Variants in OPTN observed in about 807,000 individuals in gnomAD.
OPTN encodes the protein optineurin, also known as E3-14.7K-interacting protein.
Under a neutral mutation model 70.4 loss-of-function variants are expected in OPTN, and 54 were observed. The ratio of observed to expected loss-of-function variants is 0.77; its 90% CI spans 0.62 to 0.96. The LOEUF (loss-of-function observed/expected upper bound fraction) is 0.96. Among genes scored for constraint, OPTN ranks in the 40% least tolerant of loss-of-function variants. The pLI, the probability that OPTN is intolerant of heterozygous loss-of-function variation, is 0.00. For synonymous variants in OPTN, 256 were observed against 248.5 expected, an observed-to-expected ratio of 1.03 and a Z score of -0.28; for missense variants, 624 against 673.2, an observed-to-expected ratio of 0.93 and a Z score of 0.81.
chr10:13,114,822 T>TTATATAATTATATAATTATATATACATA (rs1833106018), intron 5 of OPTN, among the ~76,000 whole-genome samples: 1 of 105,660 alleles, frequency 9.5e-6, no homozygotes, highest in African/African-American at 3.7e-5. Context: ...AATTATATAA[T>TTATATAATTATATAATTATATATACATA]TATATAATTA....
intron 12 of OPTN, among the ~76,000 whole-genome samples, chr10:13,128,873 T>C (rs1317908879): frequency 1.3e-5 from 2 of 152,102 alleles, no homozygotes; most frequent in African/African-American, 4.8e-5. Context: ...ATGACTTCTA[T>C]GTATACTGCA....
intron 11 of OPTN, among the ~76,000 whole-genome samples, chr10:13,126,283 C>CCTTTTTTTTTTTTTTT (rs771767144): frequency 2.7e-4 from 37 of 139,060 alleles, no homozygotes; most frequent in African/African-American, 9.8e-4. Flanking sequence ...CTTCGTATTT[C>CCTTTTTTTTTTTTTTT]TTTTTTTTTT....
chr10:13,135,285 C>T (rs1833675296), intron 14 of OPTN, among the ~76,000 whole-genome samples: 2 of 152,094 alleles, frequency 1.3e-5, no homozygotes, highest in South Asian at 4.1e-4. Flanking sequence ...GGATCCAGGA[C>T]CTAGCTAGGG....
chr10:13,112,064 G>A (rs1833018342), intron 4 of OPTN, among the ~76,000 whole-genome samples: 1 of 151,162 alleles, frequency 6.6e-6, no homozygotes, highest in Non-Finnish European at 1.5e-5. Flanking sequence ...TAGCCAGGAT[G>A]GTCTCCATCT....
chr10:13,120,116 G>A (rs1006606038), intron 7 of OPTN, among the ~76,000 whole-genome samples: 8 of 151,250 alleles, frequency 5.3e-5, no homozygotes, highest in East Asian at 1.9e-4. Flanking sequence ...CCGAGTAGCC[G>A]GGACTACAGG....
At chr10:13,118,796 T>G in intron 6 of OPTN, 92 bp from the exon 7 acceptor site, 1 of 1,091,632 alleles carries the variant, frequency 9.2e-7, no homozygotes, top group African/African-American at 1.6e-5. Flanking sequence ...GGAAAGCAGT[T>G]CCTTTAAGCT....
At chr10:13,115,469 G>GT (rs1833167875) in intron 5 of OPTN, among the ~76,000 whole-genome samples, 1 of 89,660 alleles carries the variant, frequency 1.1e-5, no homozygotes, top group Non-Finnish European at 1.8e-5. Context: ...ATATAATATA[G>GT]AATATATATA....
rs553147206 is a variant in OPTN, at chr10:13,133,933, C to T, written c.1612+352C>T. ...AAACGGTTCTCCTTCCACAGCCTCC[C>T]GAGTGGCTGGAATTACAGGCGTGCA... On this transcript the variant is annotated intron_variant, in intron 14 of 14. Coordinates refer to ENST00000378747, the MANE Select transcript of OPTN (RefSeq NM_001008212.2). 3.2e-4 allele frequency among the ~76,000 whole-genome samples: 49 copies of T among 152,308 alleles called. 1 individual carries two copies. In the South Asian group the frequency reaches 6.8e-3, roughly 21 times the overall value.
At position 13,127,829 on chromosome 10, in the gene OPTN, C is replaced by A; in HGVS notation, c.1327C>A (p.Gln443Lys). The change falls in exon 12 of 15, where the codon CAA (glutamine) becomes AAA (lysine). Residue 443 changes from glutamine (Q) to lysine (K), a missense_variant. Physicochemically the swap from Gln to Lys is moderately conservative, Grantham distance 53. Transcript: ENST00000378747. ...GAAGGCTCTGGCTTCCAAACAGCTG[C>A]AAATGGATGAAATGAAGCAAACCAT... The part of the protein sequence containing the change: ...AEKALASKQL[Q>K]MDEMKQTIAK... 1 of 1,614,008 alleles carries A rather than the reference C, an allele frequency of 6.2e-7. No individual in the cohort carries two copies. Among genetic ancestry groups the A allele is most frequent in the Non-Finnish European group, 8.5e-7 (1 of 1,180,006 alleles).
intron 6 of OPTN, among the ~76,000 whole-genome samples, chr10:13,117,226 G>A (rs1588442153): frequency 6.6e-6 from 1 of 151,112 alleles, no homozygotes; most frequent in South Asian, 2.1e-4. Flanking sequence ...AACCACAGGC[G>A]CCCACCACCA....
At chr10:13,107,218 T>C (rs2131476433) in intron 1 of OPTN, among the ~76,000 whole-genome samples, 1 of 151,348 alleles carries the variant, frequency 6.6e-6, no homozygotes, top group South Asian at 2.1e-4. Flanking sequence ...CTACTAAAAA[T>C]ACAAAAATTG....
At chr10:13,123,758 A>T (rs1047038617) in intron 8 of OPTN, among the ~76,000 whole-genome samples, 1 of 152,164 alleles carries the variant, frequency 6.6e-6, no homozygotes, top group East Asian at 1.9e-4. Flanking sequence ...AGTGCATCCA[A>T]ATTGATTAGT....
At chr10:13,135,097 C>A (rs1833671718) in intron 14 of OPTN, among the ~76,000 whole-genome samples, 1 of 152,202 alleles carries the variant, frequency 6.6e-6, no homozygotes, top group Non-Finnish European at 1.5e-5. Flanking sequence ...GTTACTACAT[C>A]CAAGTAATGT....
At chr10:13,128,032 A>G in intron 12 of OPTN, 129 bp downstream of exon 12, 1 of 1,089,970 alleles carries the variant, frequency 9.2e-7, no homozygotes, top group East Asian at 2.6e-5. Flanking sequence ...GAGTGTATTA[A>G]AACTTTAAAA....
At position 13,127,796 on chromosome 10, in the gene OPTN, C is replaced by G. The variant is rs1833500213; in HGVS notation, c.1294C>G (p.Leu432Val). ...VLKELSEKLE[L>V]AEKALASKQL... Reference sequence around the variant, plus strand: ...GAAGGAACTGAGTGAAAAACTGGAACTGGCAGAGAAGGCTCTGGCTTCCAA... The same window carrying G: ...GAAGGAACTGAGTGAAAAACTGGAAGTGGCAGAGAAGGCTCTGGCTTCCAA... The change falls in exon 12 of 15, where the codon CTG (leucine) becomes GTG (valine). Residue 432 changes from leucine (L) to valine (V), a missense_variant. Physicochemically the swap from Leu to Val is conservative, Grantham distance 32 (BLOSUM62 1). Transcript: ENST00000378747. 1.2e-6 allele frequency: 2 copies of G among 1,614,006 alleles called. No homozygotes were observed. The highest frequency in any genetic ancestry group is 2.7e-5 in the African/African-American group (2 of 74,904).
chr10:13,128,502 CTTTTTTTTTTTTTTTTTTTT>C (rs56147136), intron 12 of OPTN, among the ~76,000 whole-genome samples: 10,443 of 34,520 alleles, frequency 0.3, 1,106 homozygotes, highest in Admixed American at 0.52. Context: ...TCAAGCCTGC[CTTTTTTTTTTTTTTTTTTTT>C]TTTTTTTTTT....
chr10:13,123,835 A>G (rs1171218889), intron 8 of OPTN, among the ~76,000 whole-genome samples, 160 bp from the exon 9 acceptor site: 1 of 152,246 alleles, frequency 6.6e-6, no homozygotes, highest in Non-Finnish European at 1.5e-5. Flanking sequence ...TATCCAAAAC[A>G]TTCTTTTCCT....
intron 4 of OPTN, 81 bp from the exon 5 acceptor site, chr10:13,112,372 G>C: frequency 7.3e-7 from 1 of 1,364,838 alleles, no homozygotes; most frequent in Non-Finnish European, 1.0e-6. Context: ...GCCTCCCAGA[G>C]CTCTGCGATT....
At chr10:13,108,841 C>T (rs542324464) in intron 2 of OPTN, 55 of 414,928 alleles carry the variant, frequency 1.3e-4, no homozygotes, top group Non-Finnish European at 1.1e-4. Context: ...CCACCACGCC[C>T]GGCCCTCATT....
Sources: gnomAD v4.1 joint callset for allele counts (sites outside exome capture counted in the v4.1 genomes callset) on GRCh38, gnomAD v4.1.1 for gene constraint, MANE v1.5 for transcripts, NCBI Gene and HGNC (gene_info 2026-07-23, HGNC 2026-07-21) for gene names.